The following TMTC3 variants were observed in gnomAD, a reference collection of about 807,000 sequenced individuals.
TMTC3 encodes the protein transmembrane O-mannosyltransferase targeting cadherins 3, also known as protein O-mannosyl-transferase TMTC3.
In TMTC3, 52 loss-of-function variants were observed where a neutral mutation model predicts 92.2. That is an observed-to-expected ratio of 0.56 (90% CI 0.45 to 0.71). The LOEUF is 0.71. TMTC3 is among the 30% of genes least tolerant of loss of function. TMTC3 has a pLI of 0.00. For missense variants in TMTC3, 896 were observed against 1,057.1 expected, an observed-to-expected ratio of 0.85 and a Z score of 2.11; for synonymous variants, 339 against 363.3, an observed-to-expected ratio of 0.93 and a Z score of 0.76.
At chr12:88,143,183 T>TA (rs971428562) in intron 1 of TMTC3, among the ~76,000 whole-genome samples, 98 of 149,562 alleles carry the variant, frequency 6.6e-4, no homozygotes, top group African/African-American at 1.7e-3. Context: ...AACGCTGCTT[T>TA]AAAAAAAAAA....
rs146496705 is a variant in TMTC3, at chr12:88,145,481, C to T, written c.-28-2807C>T. On this transcript the variant is annotated intron_variant, in intron 1 of 13. Coordinates refer to ENST00000266712, the MANE Select transcript of TMTC3 (RefSeq NM_181783.4). ...TTTGTGAACCAAAAAGTGTCTAAGA[C>T]GGGTCTCAATCAATTTAGAAGTTTA... Among the ~76,000 whole-genome samples the T allele has an allele frequency of 7.6e-4, 115 of 152,172 alleles. 1 individual carries two copies. The East Asian group carries it at 0.018, about 23-fold the overall frequency.
chr12:88,185,340 C>CTT (rs902846875), intron 10 of TMTC3, among the ~76,000 whole-genome samples: 1 of 145,792 alleles, frequency 6.9e-6, no homozygotes. Context: ...TGGACTCTCT[C>CTT]TTTTTTTTTT....
chr12:88,150,120 G>A (rs539733515), intron 2 of TMTC3, among the ~76,000 whole-genome samples: 120 of 152,290 alleles, frequency 7.9e-4, no homozygotes, highest in African/African-American at 2.6e-3. Flanking sequence ...TTGGCTCACA[G>A]TTCTGTCAGC....
chr12:88,174,594 T>G lies in TMTC3; in HGVS notation c.1200-13T>G, dbSNP rs111441285. 49 of 1,587,708 alleles carry G rather than the reference T, an allele frequency of 3.1e-5. No individual in the cohort carries two copies. Among genetic ancestry groups the G allele is most frequent in the Middle Eastern group, 3.6e-4 (2 of 5,586 alleles). ...GACAATTTTTTTTGTTTTGCTTTTTTTCTCTTAAACAGTGTATTTAAAAAG... is the reference window on the plus strand; with the variant it reads ...GACAATTTTTTTTGTTTTGCTTTTTGTCTCTTAAACAGTGTATTTAAAAAG... On this transcript the variant is annotated splice_polypyrimidine_tract_variant and intron_variant, in intron 8 of 13. Transcript: ENST00000266712.
chr12:88,199,107 A>AATTT lies in TMTC3; in HGVS notation c.*3462_*3465dup, dbSNP rs2041551665. On this transcript the variant is annotated 3_prime_UTR_variant, in exon 14 of 14. Transcript: ENST00000266712. ...TTCTTTTATGAAGAAGAGCTGACGTAATTTATTAGCAGTGATCTGAGAAAG... is the reference window on the plus strand; with the variant it reads ...TTCTTTTATGAAGAAGAGCTGACGTAATTTATTTATTAGCAGTGATCTGAGAAAG... 1 of 152,068 alleles carries AATTT rather than the reference A, an allele frequency of 6.6e-6. No individual in the cohort carries two copies. Among genetic ancestry groups the AATTT allele is most frequent in the African/African-American group, 2.4e-5 (1 of 41,438 alleles). The allele number at this position is 152,068 out of a possible 1,614,324, so 9.4% of individuals were successfully genotyped here. A position where few individuals can be genotyped will look rare whatever the true frequency, so the allele number is the denominator to read the frequency against.
Position 88,196,580 on chromosome 12 carries a change from T to C in TMTC3, c.*931T>C, listed in dbSNP as rs1293525402. 1 of 151,956 alleles carries C rather than the reference T, an allele frequency of 6.6e-6. No individual in the cohort carries two copies. Among genetic ancestry groups the C allele is most frequent in the Non-Finnish European group, 1.5e-5 (1 of 67,854 alleles). 9.4% of individuals were successfully genotyped at this position (151,956 alleles called of 1,614,324 possible). ...TTTTGTTTCCAAAGTCACAATTGAA[T>C]TATTCTTAGATACCTTAAGCCACTG... On this transcript the variant is annotated 3_prime_UTR_variant, in exon 14 of 14. Transcript: ENST00000266712.
At chr12:88,143,570 A>G (rs1327741997) in intron 1 of TMTC3, among the ~76,000 whole-genome samples, 2 of 152,230 alleles carry the variant, frequency 1.3e-5, no homozygotes, top group African/African-American at 4.8e-5. Context: ...CTCCTCAGAC[A>G]TTCTGGGAAA....
At chr12:88,165,984 TACA>T (rs2041138771) in intron 6 of TMTC3, among the ~76,000 whole-genome samples, 1 of 152,214 alleles carries the variant, frequency 6.6e-6, no homozygotes, top group Non-Finnish European at 1.5e-5. Context: ...ATAAATCTTA[TACA>T]ACTTTTTGTT....
chr12:88,195,492 A>G lies in TMTC3; in HGVS notation c.2588A>G (p.Asp863Gly). 1.9e-6 allele frequency: 3 copies of G among 1,613,106 alleles called. No individual in the cohort carries two copies. Among genetic ancestry groups the G allele is most frequent in the Non-Finnish European group, 2.5e-6 (3 of 1,179,680 alleles). The change falls in exon 14 of 14, where the codon GAT (aspartate) becomes GGT (glycine). Residue 863 changes from aspartate to glycine, a missense_variant. Physicochemically the swap from Asp to Gly is moderately conservative, Grantham distance 94. Coordinates refer to ENST00000266712, the MANE Select transcript of TMTC3 (RefSeq NM_181783.4). Reference sequence around the variant, plus strand: ...CAAACACAAATAGTAAAAACAAGTGATAATAAAAGTCAGTCTAAATCCAAC... The same window carrying G: ...CAAACACAAATAGTAAAAACAAGTGGTAATAAAAGTCAGTCTAAATCCAAC... The part of the protein sequence containing the change: ...SRQTQIVKTS[D>G]NKSQSKSNKQ...
chr12:88,160,879 C>G (rs747409904), intron 6 of TMTC3, 28 bp downstream of exon 6: 3 of 1,539,426 alleles, frequency 1.9e-6, no homozygotes, highest in East Asian at 4.7e-5. Context: ...TTTGTTTTCT[C>G]CATTCTTTTT....
At chr12:88,174,398 A>G (rs1036171632) in intron 8 of TMTC3, among the ~76,000 whole-genome samples, 2 of 152,096 alleles carry the variant, frequency 1.3e-5, no homozygotes, top group Non-Finnish European at 2.9e-5. Context: ...AGCATATATA[A>G]TGTAATTGAC....
intron 2 of TMTC3, among the ~76,000 whole-genome samples, chr12:88,149,308 TATC>T (rs2040913196): frequency 6.6e-6 from 1 of 152,196 alleles, no homozygotes; most frequent in Non-Finnish European, 1.5e-5. Context: ...ATCAGCTTGA[TATC>T]ATATAGAATG....
intron 7 of TMTC3, among the ~76,000 whole-genome samples, chr12:88,172,000 A>G (rs1217965853): frequency 3.3e-5 from 5 of 152,026 alleles, no homozygotes; most frequent in Non-Finnish European, 1.5e-5. Context: ...TTGTCTTCTG[A>G]GGAATATCTA....
At chr12:88,171,031 G>C (rs2041199529) in intron 7 of TMTC3, among the ~76,000 whole-genome samples, 1 of 152,116 alleles carries the variant, frequency 6.6e-6, no homozygotes, top group East Asian at 1.9e-4. Context: ...CATACACTAA[G>C]CTTCTAGTTA....
chr12:88,150,222 T>C (rs1322940639), intron 2 of TMTC3, among the ~76,000 whole-genome samples: 3 of 152,108 alleles, frequency 2.0e-5, no homozygotes, highest in Non-Finnish European at 4.4e-5. Context: ...GCACTTCACA[T>C]AGCAAAAGCA....
At position 88,148,520 on chromosome 12, in the gene TMTC3, C is replaced by T. The variant is rs2040903291; in HGVS notation, c.189+16C>T. 6.5e-7 allele frequency: 1 copy of T among 1,539,168 alleles called. No individual in the cohort carries two copies. On this transcript the variant is annotated intron_variant, in intron 2 of 13. Coordinates refer to ENST00000266712, the MANE Select transcript of TMTC3 (RefSeq NM_181783.4). Reference sequence around the variant, plus strand: ...TATGTCTGAGGTAAGTAATTACTTACATATTACTTGTACATGTCTCAGATT... The same window carrying T: ...TATGTCTGAGGTAAGTAATTACTTATATATTACTTGTACATGTCTCAGATT...
chr12:88,185,530 C>T (rs1375934571), intron 10 of TMTC3, among the ~76,000 whole-genome samples: 2 of 152,126 alleles, frequency 1.3e-5, no homozygotes, highest in African/African-American at 2.4e-5. Context: ...CTGTTACAAA[C>T]ATGGCTGTTA....
rs1361237658 is a variant in TMTC3, at chr12:88,199,618, ATAAAT to A, written c.*3972_*3976del. 2.0e-5 allele frequency: 3 copies of A among 152,188 alleles called. No individual in the cohort carries two copies. The highest frequency in any genetic ancestry group is 7.2e-5 in the African/African-American group (3 of 41,466). 9.4% of individuals were successfully genotyped at this position (152,188 alleles called of 1,614,324 possible). ...CTAACAAGTACATAGATAGCCTAAGATAAATTATACTTAGGATGAAGCTAAAATGC... is the reference window on the plus strand; with the variant it reads ...CTAACAAGTACATAGATAGCCTAAGATATACTTAGGATGAAGCTAAAATGC... On this transcript the variant is annotated 3_prime_UTR_variant, in exon 14 of 14. Coordinates refer to ENST00000266712, the MANE Select transcript of TMTC3 (RefSeq NM_181783.4).
intron 1 of TMTC3, among the ~76,000 whole-genome samples, chr12:88,145,076 G>T (rs542696575): frequency 2.6e-5 from 4 of 152,114 alleles, no homozygotes; most frequent in Admixed American, 6.6e-5. Context: ...GCTTACCTTT[G>T]TTCTCTGTAG....
Sources: allele counts gnomAD v4.1 joint callset (sites outside exome capture counted in the v4.1 genomes callset), GRCh38; gene constraint gnomAD v4.1.1; transcripts MANE v1.5; gene names NCBI Gene and HGNC (gene_info 2026-07-23, HGNC 2026-07-21).